Variants in ANXA4 observed in about 807,000 individuals in gnomAD.
ANXA4 encodes the protein 35-beta calcimedin.
In ANXA4, 39 loss-of-function variants were observed where a neutral mutation model predicts 49.8. That is an observed-to-expected ratio of 0.78 (90% CI 0.61 to 1.02). ANXA4 has a LOEUF of 1.02. ANXA4 is among the 50% of genes least tolerant of loss of function. The pLI, the probability that ANXA4 is intolerant of heterozygous loss-of-function variation, is 0.00. For missense variants in ANXA4, 360 were observed against 410.1 expected, an observed-to-expected ratio of 0.88 and a Z score of 1.05; for synonymous variants, 134 against 152.5, an observed-to-expected ratio of 0.88 and a Z score of 0.89.
intron 2 of ANXA4, among the ~76,000 whole-genome samples, chr2:69,660,926 G>C (rs1203620462): frequency 2.0e-5 from 3 of 152,130 alleles, no homozygotes; most frequent in African/African-American, 7.2e-5. Context: ...GAAAAAAGAT[G>C]TAACTCTTCA....
upstream of ANXA4, among the ~76,000 whole-genome samples, chr2:69,738,039 G>A (rs943313274): frequency 1.8e-4 from 27 of 152,144 alleles, no homozygotes; most frequent in African/African-American, 6.0e-4. Flanking sequence ...TTTAGTATAA[G>A]TATGTCTCAT....
At chr2:69,659,425 T>A (rs1486640526) in intron 2 of ANXA4, among the ~76,000 whole-genome samples, 1 of 152,196 alleles carries the variant, frequency 6.6e-6, no homozygotes, top group Non-Finnish European at 1.5e-5. Context: ...ATTGTATGCT[T>A]CTCTTATTTA....
chr2:69,693,738 A>G (rs1287846285), intron 2 of ANXA4, among the ~76,000 whole-genome samples: 2 of 152,124 alleles, frequency 1.3e-5, no homozygotes, highest in African/African-American at 4.8e-5. Flanking sequence ...TCCTGGACAT[A>G]TTTGGGGTTA....
intron 1 of ANXA4, among the ~76,000 whole-genome samples, chr2:69,760,536 T>A (rs1261249365): frequency 6.6e-6 from 1 of 152,240 alleles, no homozygotes; most frequent in Non-Finnish European, 1.5e-5. Flanking sequence ...TACCTAATAG[T>A]TTCCTAAGTG....
chr2:69,789,252 C>T (rs776348244), intron 3 of ANXA4, among the ~76,000 whole-genome samples: 2 of 151,992 alleles, frequency 1.3e-5, no homozygotes, highest in Non-Finnish European at 2.9e-5. Flanking sequence ...AAACTGAGAC[C>T]CAGAGAGGCC....
intron 2 of ANXA4, among the ~76,000 whole-genome samples, chr2:69,706,448 C>T (rs865840955): frequency 1.3e-5 from 2 of 151,394 alleles, no homozygotes; most frequent in African/African-American, 4.8e-5. Flanking sequence ...TCACAGGTGC[C>T]CACCACCATG....
At chr2:69,786,803 T>C (rs2103694434) in intron 2 of ANXA4, among the ~76,000 whole-genome samples, 1 of 152,072 alleles carries the variant, frequency 6.6e-6, no homozygotes, top group African/African-American at 2.4e-5. Context: ...CTCACTGCAG[T>C]CTCCACCTCC....
intron 1 of ANXA4, among the ~76,000 whole-genome samples, chr2:69,776,198 A>C (rs902822434): frequency 6.6e-6 from 1 of 151,758 alleles, no homozygotes; most frequent in Non-Finnish European, 1.5e-5. Flanking sequence ...CTGATCTCAA[A>C]CTCCTGACCT....
intron 2 of ANXA4, among the ~76,000 whole-genome samples, chr2:69,716,525 CTTGT>C (rs1326348281): frequency 1.3e-5 from 2 of 152,146 alleles, no homozygotes; most frequent in East Asian, 3.9e-4. Context: ...CAGGGAAGGC[CTTGT>C]TTGTCAGGTT....
chr2:69,688,639 A>G (rs1677869618), intron 2 of ANXA4, among the ~76,000 whole-genome samples: 1 of 152,234 alleles, frequency 6.6e-6, no homozygotes, highest in African/African-American at 2.4e-5. Context: ...TTGGCTCCCA[A>G]GCATCTGCCT....
intron 1 of ANXA4, among the ~76,000 whole-genome samples, chr2:69,744,945 C>T (rs1456249746): frequency 6.6e-6 from 1 of 152,020 alleles, no homozygotes; most frequent in East Asian, 1.9e-4. Flanking sequence ...TGAACAAGAA[C>T]TGTTTCAACT....
chr2:69,705,684 C>A (rs986782830), intron 2 of ANXA4, among the ~76,000 whole-genome samples: 1 of 152,206 alleles, frequency 6.6e-6, no homozygotes, highest in African/African-American at 2.4e-5. Flanking sequence ...GTAATCCCAG[C>A]ACTTTGGGAG....
At chr2:69,675,234 AT>A (rs1677361923) in intron 2 of ANXA4, among the ~76,000 whole-genome samples, 1 of 151,956 alleles carries the variant, frequency 6.6e-6, no homozygotes, top group African/African-American at 2.4e-5. Context: ...AACTGTTTTT[AT>A]TTTCCTCAGT....
In ANXA4 at chr2:69,806,453, G is replaced by A. The variant is rs997900379; in HGVS notation, c.261G>A (p.Thr87=). 17 of 1,613,964 alleles carry A rather than the reference G, an allele frequency of 1.1e-5. No individual in the cohort carries two copies. Among genetic ancestry groups the A allele is most frequent in the Middle Eastern group, 1.6e-4 (1 of 6,084 alleles). The stretch of plus-strand genomic sequence containing the variant: ...AGCAGGTGATTGTGGGGATGATGAC[G>A]CCCACGGTGCTGTATGACGTGCAAG... ...NFEQVIVGMM[T]PTVLYDVQEL... is the part of the protein sequence containing the mutation. The change falls in exon 5 of 13, where the codon ACG becomes ACA. Residue 87 remains threonine (T), a synonymous_variant. Transcript: ENST00000394295.
chr2:69,730,988 G>A (rs1463686159), intron 3 of ANXA4, among the ~76,000 whole-genome samples: 2 of 152,180 alleles, frequency 1.3e-5, no homozygotes, highest in Admixed American at 6.5e-5. Context: ...CTTTTAGGTC[G>A]ATGGGTTTGA....
At chr2:69,662,759 C>G (rs372827104) in intron 2 of ANXA4, among the ~76,000 whole-genome samples, 2 of 152,026 alleles carry the variant, frequency 1.3e-5, no homozygotes, top group Admixed American at 1.3e-4. Flanking sequence ...CACTTACACA[C>G]GCACTCAGGG....
At chr2:69,719,903 G>C (rs1669771813) in intron 2 of ANXA4, among the ~76,000 whole-genome samples, 1 of 152,194 alleles carries the variant, frequency 6.6e-6, no homozygotes, top group African/African-American at 2.4e-5. Flanking sequence ...TAGGATTACA[G>C]ACATCAGTCA....
At chr2:69,746,047 T>C (rs1670598535) in intron 1 of ANXA4, among the ~76,000 whole-genome samples, 3 of 152,130 alleles carry the variant, frequency 2.0e-5, no homozygotes, top group African/African-American at 7.2e-5. Flanking sequence ...AATCTTGCTC[T>C]GTCACCCAGG....
At chr2:69,645,503 T>G (rs967090826) in intron 1 of ANXA4, among the ~76,000 whole-genome samples, 3 of 152,252 alleles carry the variant, frequency 2.0e-5, no homozygotes, top group African/African-American at 7.2e-5. Context: ...AGCACTTATT[T>G]GTCTTGACTG....
Sources: allele counts gnomAD v4.1 joint callset (sites outside exome capture counted in the v4.1 genomes callset), GRCh38; gene constraint gnomAD v4.1.1; transcripts MANE v1.5; gene names NCBI Gene and HGNC (gene_info 2026-07-23, HGNC 2026-07-21).